Variants in PPP1R9A observed in about 807,000 individuals in gnomAD.
The protein encoded by PPP1R9A is protein phosphatase 1 regulatory subunit 9A.
In PPP1R9A, 59 loss-of-function variants were observed where a neutral mutation model predicts 141.9. The ratio of observed to expected loss-of-function variants is 0.42; its 90% CI spans 0.34 to 0.52. PPP1R9A has a LOEUF of 0.52. PPP1R9A is among the 20% of genes least tolerant of loss of function. The probability of loss-of-function intolerance (pLI) is 0.10; values close to 1 mark genes in which losing one functional copy is unlikely to be tolerated. For missense variants in PPP1R9A, 1,444 were observed against 1,611.9 expected, an observed-to-expected ratio of 0.90 and a Z score of 1.78; for synonymous variants, 500 against 569.7, an observed-to-expected ratio of 0.88 and a Z score of 1.74.
intron 2 of PPP1R9A, among the ~76,000 whole-genome samples, chr7:95,029,308 G>A (rs1172026736): frequency 6.6e-6 from 1 of 152,166 alleles, no homozygotes; most frequent in East Asian, 1.9e-4. Flanking sequence ...TTATTGTTGT[G>A]TAGTAAGTCC....
chr7:95,182,450 C>A (rs1030784140), intron 5 of PPP1R9A, among the ~76,000 whole-genome samples: 3 of 152,062 alleles, frequency 2.0e-5, no homozygotes, highest in African/African-American at 4.8e-5. Flanking sequence ...GCTTTTGTTT[C>A]TTTTATATTT....
intron 2 of PPP1R9A, among the ~76,000 whole-genome samples, chr7:95,009,859 T>C (rs1397495641): frequency 3.3e-5 from 5 of 152,194 alleles, no homozygotes. Flanking sequence ...AGGAAAGTAG[T>C]GTTCCTTGCC....
chr7:94,948,396 C>T (rs1204417945), intron 2 of PPP1R9A, among the ~76,000 whole-genome samples: 1 of 151,938 alleles, frequency 6.6e-6, no homozygotes, highest in African/African-American at 2.4e-5. Context: ...TTCCCCATTC[C>T]CCCATCACTC....
chr7:94,956,805 A>G (rs1157580529), intron 2 of PPP1R9A, among the ~76,000 whole-genome samples: 2 of 152,154 alleles, frequency 1.3e-5, no homozygotes, highest in East Asian at 1.9e-4. Context: ...GTGCCTACCC[A>G]TAGTGCATAG....
At position 94,977,274 on chromosome 7, in the gene PPP1R9A, C is replaced by T. The variant is rs142514262; in HGVS notation, c.1395+65766C>T. Among the ~76,000 whole-genome samples, 3 of 152,150 alleles carry T rather than the reference C, an allele frequency of 2.0e-5. 1 individual carries two copies. The highest frequency in any genetic ancestry group is 4.8e-5 in the African/African-American group (2 of 41,506). ...AGTGAATATAGGAAAAGAAGAGATT[C>T]GAGTCACAAGCCCCAGAGCTCTCCA... On this transcript the variant is annotated intron_variant, in intron 2 of 19. Transcript: ENST00000433360.
intron 4 of PPP1R9A, among the ~76,000 whole-genome samples, chr7:95,160,502 C>T (rs1326545931): frequency 6.6e-6 from 1 of 151,836 alleles, no homozygotes; most frequent in African/African-American, 2.4e-5. Flanking sequence ...TCCTTTAAAA[C>T]AGTCTTTATT....
intron 2 of PPP1R9A, among the ~76,000 whole-genome samples, chr7:95,070,792 ACTTTAT>A (rs1813710999): frequency 6.6e-6 from 1 of 151,562 alleles, no homozygotes; most frequent in East Asian, 1.9e-4. Context: ...ATCTAATTCT[ACTTTAT>A]AGGTATTTAG....
intron 5 of PPP1R9A, among the ~76,000 whole-genome samples, chr7:95,183,850 T>A (rs940277542): frequency 1.1e-4 from 17 of 151,514 alleles, no homozygotes; most frequent in Non-Finnish European, 4.4e-5. Context: ...TTCTTTATTT[T>A]AAAAATTTTT....
intron 2 of PPP1R9A, among the ~76,000 whole-genome samples, chr7:95,080,199 T>G (rs1423348445): frequency 6.6e-6 from 1 of 152,108 alleles, no homozygotes; most frequent in Non-Finnish European, 1.5e-5. Flanking sequence ...CCCATTGTCT[T>G]AGCCCAAAAT....
At chr7:95,222,351 A>T (rs141625675) in intron 7 of PPP1R9A, among the ~76,000 whole-genome samples, 1 of 152,074 alleles carries the variant, frequency 6.6e-6, no homozygotes, top group South Asian at 2.1e-4. Context: ...AGCTTCAACA[A>T]CTTAATTAAT....
intron 2 of PPP1R9A, among the ~76,000 whole-genome samples, chr7:94,938,951 T>G (rs1795051958): frequency 6.6e-6 from 1 of 152,152 alleles, no homozygotes; most frequent in Non-Finnish European, 1.5e-5. Flanking sequence ...AAGGGAGAGA[T>G]AAATGGTGTT....
At position 95,043,233 on chromosome 7, in the gene PPP1R9A, G is replaced by T. The variant is rs563993864; in HGVS notation, c.1396-68026G>T. 2.0e-5 allele frequency among the ~76,000 whole-genome samples: 3 copies of T among 152,254 alleles called. No individual in the cohort carries two copies. In the South Asian group the frequency reaches 6.2e-4, roughly 32 times the overall value. On this transcript the variant is annotated intron_variant, in intron 2 of 19. Coordinates refer to ENST00000433360, the MANE Select transcript of PPP1R9A (RefSeq NM_001166160.2). ...TTTACTTGAGGTATGCCTATGCTAT[G>T]GGGTAATTAGTGGTACCTCAGTAGG...
rs540261285 is a variant in PPP1R9A at position 95,029,977 on chromosome 7, G to A, written c.1396-81282G>A. Among the ~76,000 whole-genome samples, 137 of 152,264 alleles carry A rather than the reference G, an allele frequency of 9.0e-4. No homozygotes were observed. The East Asian group carries it at 0.012, about 13-fold the overall frequency. ...GGCTGTTGCAGGTACTAGGGCTCTC[G>A]CCTTTGCAGTAGGATGAATATGGTA... On this transcript the variant is annotated intron_variant, in intron 2 of 19. Coordinates refer to ENST00000433360, the MANE Select transcript of PPP1R9A (RefSeq NM_001166160.2).
At chr7:94,908,009 G>A (rs546784064) in intron 1 of PPP1R9A, 2 of 149,488 alleles carry the variant, frequency 1.3e-5, no homozygotes, top group Admixed American at 6.6e-5. Context: ...CGTGAGGAGC[G>A]GGTTGCGGTG....
intron 2 of PPP1R9A, among the ~76,000 whole-genome samples, chr7:95,080,725 C>T (rs573131849): frequency 2.0e-4 from 31 of 152,190 alleles, no homozygotes; most frequent in African/African-American, 6.5e-4. Flanking sequence ...CTCATGTGTC[C>T]GCTGTTTCTC....
At chr7:95,074,323 GTGT>G (rs1186589012) in intron 2 of PPP1R9A, among the ~76,000 whole-genome samples, 4 of 152,042 alleles carry the variant, frequency 2.6e-5, no homozygotes, top group African/African-American at 9.7e-5. Flanking sequence ...ACAAGCCATC[GTGT>G]TATTTCCCTA....
In PPP1R9A at chr7:95,137,415, CAAAAA is replaced by C. The variant is rs33928009; in HGVS notation, c.1649+16602_1649+16606del. On this transcript the variant is annotated intron_variant, in intron 4 of 19. Coordinates refer to ENST00000433360, the MANE Select transcript of PPP1R9A (RefSeq NM_001166160.2). Reference sequence around the variant, plus strand: ...CATGTCCCTACAAAGGACATGAACTCAAAAAAAAAAAAAAAAAAAAAAAGATGCAA... The same window carrying C: ...CATGTCCCTACAAAGGACATGAACTCAAAAAAAAAAAAAAAAAAGATGCAA... Among the ~76,000 whole-genome samples, 498 of 91,476 alleles carry C rather than the reference CAAAAA, an allele frequency of 5.4e-3. 1 individual carries two copies. The highest frequency in any genetic ancestry group is 6.5e-3 in the Non-Finnish European group (306 of 47,110). The allele number at this position is 91,476 out of a possible 152,430, so 60.0% of individuals were successfully genotyped here.
chr7:95,155,464 G>A (rs2152684741), intron 4 of PPP1R9A: 1 of 152,252 alleles, frequency 6.6e-6, no homozygotes, highest in South Asian at 2.1e-4. Flanking sequence ...GTGCTCGATT[G>A]TAGGCATGAG....
chr7:95,096,849 A>T (rs1024442077), intron 2 of PPP1R9A, among the ~76,000 whole-genome samples: 2 of 152,028 alleles, frequency 1.3e-5, no homozygotes, highest in Non-Finnish European at 2.9e-5. Context: ...AACCCGCCTT[A>T]TGTTTGCTCA....
Sources: allele counts gnomAD v4.1 joint callset (sites outside exome capture counted in the v4.1 genomes callset), GRCh38; gene constraint gnomAD v4.1.1; transcripts MANE v1.5; gene names NCBI Gene and HGNC (gene_info 2026-07-23, HGNC 2026-07-21).